The following CDKAL1 variants were observed in gnomAD, a reference collection of about 807,000 sequenced individuals.
The protein encoded by CDKAL1 is CDKAL1 threonylcarbamoyladenosine tRNA methylthiotransferase, also known as threonylcarbamoyladenosine tRNA methylthiotransferase.
In CDKAL1, 32 loss-of-function variants were observed where a neutral mutation model predicts 68.2. That is an observed-to-expected ratio of 0.47 (90% CI 0.35 to 0.63). The LOEUF (loss-of-function observed/expected upper bound fraction) is 0.63. Among genes scored for constraint, CDKAL1 ranks in the 30% least tolerant of loss-of-function variants. CDKAL1 has a pLI of 0.00. For missense variants in CDKAL1, 606 were observed against 696.7 expected (o/e 0.87, Z 1.47); for synonymous variants, 234 against 244.3 (o/e 0.96, Z 0.39).
chr6:20,928,354 T>A (rs1262428560), intron 9 of CDKAL1, among the ~76,000 whole-genome samples: 2 of 152,240 alleles, frequency 1.3e-5, no homozygotes. Context: ...TTAAAAATGT[T>A]TTATTATGTG....
At chr6:20,607,885 G>A (rs1766402555) in intron 4 of CDKAL1, among the ~76,000 whole-genome samples, 1 of 151,944 alleles carries the variant, frequency 6.6e-6, no homozygotes, top group African/African-American at 2.4e-5. Flanking sequence ...AGTAGAGATG[G>A]GGTTTCACCA....
chr6:21,201,199 A>C lies in CDKAL1; in HGVS notation c.1473A>C (p.Pro491=). ...ESGKHFMKGQ[P]VSDAKVYTPS... The stretch of plus-strand genomic sequence containing the variant: ...GCAAACATTTTATGAAAGGGCAGCC[A>C]GTATCTGATGCCAAAGTGTACACGC... The change falls in exon 15 of 16, where the codon CCA becomes CCC. Residue 491 remains proline, a synonymous_variant. Transcript: ENST00000274695. The C allele has an allele frequency of 1.2e-6, 2 of 1,614,006 alleles. No individual in the cohort carries two copies. The highest frequency in any genetic ancestry group is 1.7e-6 in the Non-Finnish European group (2 of 1,179,852).
intron 13 of CDKAL1, among the ~76,000 whole-genome samples, chr6:21,153,748 G>A (rs1445344098): frequency 6.6e-6 from 1 of 152,100 alleles, no homozygotes; most frequent in Non-Finnish European, 1.5e-5. Context: ...GGGAAGAAGT[G>A]GGGAATAACT....
intron 14 of CDKAL1, among the ~76,000 whole-genome samples, chr6:21,199,434 G>T (rs1778600399): frequency 6.6e-6 from 1 of 152,178 alleles, no homozygotes; most frequent in Non-Finnish European, 1.5e-5. Flanking sequence ...ATATACCCCA[G>T]AGGGCCATTT....
At chr6:20,767,230 A>G (rs1774740974) in intron 7 of CDKAL1, among the ~76,000 whole-genome samples, 1 of 152,156 alleles carries the variant, frequency 6.6e-6, no homozygotes, top group Non-Finnish European at 1.5e-5. Flanking sequence ...AATAGATACT[A>G]GCAGCTTCAC....
intron 11 of CDKAL1, among the ~76,000 whole-genome samples, chr6:21,014,251 A>C (rs904011055): frequency 6.6e-6 from 1 of 152,150 alleles, no homozygotes; most frequent in African/African-American, 2.4e-5. Flanking sequence ...TTTATATGGG[A>C]GATGAAAGGA....
intron 9 of CDKAL1, among the ~76,000 whole-genome samples, chr6:20,925,607 G>T (rs1040476694): frequency 6.6e-6 from 1 of 152,106 alleles, no homozygotes; most frequent in Non-Finnish European, 1.5e-5. Context: ...TAGTGATTAT[G>T]TAAAAGCATT....
chr6:20,880,652 C>A (rs1437384091), intron 9 of CDKAL1, among the ~76,000 whole-genome samples: 1 of 151,986 alleles, frequency 6.6e-6, no homozygotes, highest in Non-Finnish European at 1.5e-5. Context: ...TTATAAATTT[C>A]TCTATGGCCT....
chr6:21,073,700 T>A (rs1304832118), intron 12 of CDKAL1, among the ~76,000 whole-genome samples: 1 of 152,236 alleles, frequency 6.6e-6, no homozygotes, highest in Non-Finnish European at 1.5e-5. Context: ...ATGCAGTTTG[T>A]TTCCTTATTG....
At chr6:20,958,703 T>C (rs1470457714) in intron 10 of CDKAL1, among the ~76,000 whole-genome samples, 1 of 152,228 alleles carries the variant, frequency 6.6e-6, no homozygotes, top group Non-Finnish European at 1.5e-5. Flanking sequence ...ACCCTGATGC[T>C]TTAAAACCTT....
Position 21,231,085 on chromosome 6 carries a change from T to TAA in CDKAL1, c.*49_*50dup. On this transcript the variant is annotated 3_prime_UTR_variant, in exon 16 of 16. Transcript: ENST00000274695. ...CTATAAAGAAGAATACATTTCTAATTAAAATCTTCAATGAACAGGAAAGCG... is the reference window on the plus strand; with the variant it reads ...CTATAAAGAAGAATACATTTCTAATTAAAAAATCTTCAATGAACAGGAAAGCG... The TAA allele has an allele frequency of 7.0e-7, 1 of 1,437,050 alleles. No homozygotes were observed. The highest frequency in any genetic ancestry group is 9.5e-7 in the Non-Finnish European group (1 of 1,048,230). The allele number at this position is 1,437,050 out of a possible 1,614,324, so 89.0% of individuals were successfully genotyped here.
chr6:20,875,782 GA>G (rs1373444982), intron 9 of CDKAL1, among the ~76,000 whole-genome samples: 4 of 152,090 alleles, frequency 2.6e-5, no homozygotes, highest in African/African-American at 9.7e-5. Flanking sequence ...CAAAGCTACT[GA>G]AAATTATCCT....
intron 12 of CDKAL1, among the ~76,000 whole-genome samples, chr6:21,100,735 T>G: frequency 6.6e-6 from 1 of 152,168 alleles, no homozygotes; most frequent in Admixed American, 6.5e-5. Context: ...ACATCATTGA[T>G]GTTATAATTG....
rs79776611 is a variant in CDKAL1, at chr6:20,815,337, G to C, written c.639-30738G>C. Among the ~76,000 whole-genome samples the C allele has an allele frequency of 7.6e-3, 1,155 of 152,142 alleles. 22 individuals are homozygous for C. Among genetic ancestry groups the C allele is most frequent in the African/African-American group, 0.026 (1,081 of 41,528 alleles). On this transcript the variant is annotated intron_variant, in intron 8 of 15. Transcript: ENST00000274695. ...GTACTTGTATGATCTAGTCTTTAAG[G>C]GTTGAGTAGAAGAAGTGTTTTAGGT...
At chr6:21,188,556 C>T (rs892516833) in intron 13 of CDKAL1, among the ~76,000 whole-genome samples, 1 of 152,184 alleles carries the variant, frequency 6.6e-6, no homozygotes, top group Non-Finnish European at 1.5e-5. Context: ...TAAAAAAGTT[C>T]TACACTTATA....
intron 5 of CDKAL1, among the ~76,000 whole-genome samples, chr6:20,717,595 A>G (rs1026994242): frequency 6.6e-6 from 1 of 152,078 alleles, no homozygotes; most frequent in Non-Finnish European, 1.5e-5. Context: ...ATTTGCTGAG[A>G]CCCTTAATGG....
At chr6:20,875,606 A>G (rs1187232285) in intron 9 of CDKAL1, among the ~76,000 whole-genome samples, 1 of 152,106 alleles carries the variant, frequency 6.6e-6, no homozygotes, top group Non-Finnish European at 1.5e-5. Flanking sequence ...ATTTGGGTAT[A>G]TCCTTTCTCT....
intron 9 of CDKAL1, among the ~76,000 whole-genome samples, chr6:20,914,647 C>G (rs1762639293): frequency 1.3e-5 from 2 of 152,162 alleles, no homozygotes; most frequent in African/African-American, 4.8e-5. Context: ...GATATTAACA[C>G]TACTTGGATA....
At chr6:21,125,931 C>T (rs1452237910) in intron 13 of CDKAL1, among the ~76,000 whole-genome samples, 4 of 152,156 alleles carry the variant, frequency 2.6e-5, no homozygotes, top group Admixed American at 6.6e-5. Flanking sequence ...TTTTTGAGGG[C>T]AGGGCTTGTG....
Sources: allele counts gnomAD v4.1 joint callset (sites outside exome capture counted in the v4.1 genomes callset), GRCh38; gene constraint gnomAD v4.1.1; transcripts MANE v1.5; gene names NCBI Gene and HGNC (gene_info 2026-07-23, HGNC 2026-07-21).